Variants in RGS6 observed in about 807,000 individuals in gnomAD.
RGS6 encodes the protein regulator of G-protein signaling 6.
In RGS6, 30 loss-of-function variants were observed where a neutral mutation model predicts 78.5. The ratio of observed to expected loss-of-function variants is 0.38; its 90% CI spans 0.29 to 0.52. The LOEUF (loss-of-function observed/expected upper bound fraction) is 0.52, where lower values mean the gene tolerates loss of function less well. Among genes scored for constraint, RGS6 ranks in the 20% least tolerant of loss-of-function variants. RGS6 has a pLI of 0.85. For synonymous variants in RGS6, 206 were observed against 206.0 expected, an observed-to-expected ratio of 1.00 and a Z score of 0.00; for missense variants, 495 against 609.7, an observed-to-expected ratio of 0.81 and a Z score of 1.98.
At chr14:72,371,607 C>T (rs1443804053) in intron 3 of RGS6, among the ~76,000 whole-genome samples, 1 of 152,022 alleles carries the variant, frequency 6.6e-6, no homozygotes, top group Non-Finnish European at 1.5e-5. Context: ...ACTAAAGATA[C>T]AAAATTAGCC....
chr14:72,484,578 A>G (rs1255566581), intron 12 of RGS6, among the ~76,000 whole-genome samples: 1 of 152,174 alleles, frequency 6.6e-6, no homozygotes, highest in Admixed American at 6.5e-5. Context: ...TAGCAAAATT[A>G]TAAGTCTTTT....
intron 9 of RGS6, 77 bp downstream of exon 9, chr14:72,473,030 CT>C: frequency 1.0e-6 from 1 of 976,616 alleles, no homozygotes; most frequent in Non-Finnish European, 1.5e-6. Context: ...AAAAGACCGT[CT>C]TTAGCCACCA....
chr14:72,198,805 G>T (rs1218299315), intron 2 of RGS6, among the ~76,000 whole-genome samples: 1 of 152,232 alleles, frequency 6.6e-6, no homozygotes, highest in Non-Finnish European at 1.5e-5. Context: ...GACCAGTGTG[G>T]TAGATAAGAA....
At chr14:72,086,856 A>G (rs2095060459) in intron 2 of RGS6, among the ~76,000 whole-genome samples, 1 of 152,204 alleles carries the variant, frequency 6.6e-6, no homozygotes, top group African/African-American at 2.4e-5. Context: ...TCAGACTGGA[A>G]GTTAAAAGCG....
intron 2 of RGS6, among the ~76,000 whole-genome samples, chr14:72,067,002 TA>T (rs1457678394): frequency 1.3e-5 from 2 of 152,216 alleles, no homozygotes; most frequent in African/African-American, 4.8e-5. Context: ...CATTCTTTTT[TA>T]TGGCTGCATA....
At chr14:72,470,231 A>G in intron 8 of RGS6, 148 bp downstream of exon 8, 1 of 622,822 alleles carries the variant, frequency 1.6e-6, no homozygotes, top group Non-Finnish European at 2.8e-6. Flanking sequence ...AATTAAAGTC[A>G]GGATGGATAA....
chr14:72,144,757 T>A (rs868160509), intron 2 of RGS6, among the ~76,000 whole-genome samples: 2 of 152,174 alleles, frequency 1.3e-5, no homozygotes, highest in African/African-American at 4.8e-5. Flanking sequence ...TTTTTTTTTT[T>A]TTTTTGAAGC....
chr14:72,254,107 C>A (rs2056515508), intron 2 of RGS6, among the ~76,000 whole-genome samples: 2 of 152,170 alleles, frequency 1.3e-5, no homozygotes, highest in Admixed American at 1.3e-4. Flanking sequence ...AATATTTTAC[C>A]AATAGATCAG....
chr14:72,255,101 A>G (rs1197249028), intron 2 of RGS6, among the ~76,000 whole-genome samples: 1 of 152,048 alleles, frequency 6.6e-6, no homozygotes, highest in African/African-American at 2.4e-5. Context: ...GCAGAGGGAG[A>G]TGGGGGATGG....
intron 2 of RGS6, among the ~76,000 whole-genome samples, chr14:72,202,243 C>T (rs2041728848): frequency 6.6e-6 from 1 of 152,124 alleles, no homozygotes. Flanking sequence ...AAATATTCTC[C>T]AAATCGCTGA....
chr14:72,422,039 G>C (rs1395906531), intron 3 of RGS6, among the ~76,000 whole-genome samples: 4 of 152,174 alleles, frequency 2.6e-5, no homozygotes, highest in African/African-American at 9.7e-5. Flanking sequence ...CTGTTCTTGT[G>C]ATACAGAACA....
intron 2 of RGS6, among the ~76,000 whole-genome samples, chr14:72,222,317 A>G (rs2047064344): frequency 6.6e-6 from 1 of 152,184 alleles, no homozygotes; most frequent in Non-Finnish European, 1.5e-5. Context: ...CTGCCCACTC[A>G]CTGCCTGGGG....
chr14:72,458,258 A>C lies in RGS6; in HGVS notation c.236-13A>C, dbSNP rs766317472. ...TTTCTAATTCCTTCTCTCTCTATGC[A>C]CTGTTCTTACAGTTGAAGCAATACA... is the stretch of plus-strand genomic sequence containing the variant. On this transcript the variant is annotated splice_polypyrimidine_tract_variant and intron_variant, in intron 4 of 17. Coordinates refer to ENST00000553525, the MANE Select transcript of RGS6 (RefSeq NM_001204424.2). 6.3e-7 allele frequency: 1 copy of C among 1,599,448 alleles called. No homozygotes were observed. The highest frequency in any genetic ancestry group is 8.6e-7 in the Non-Finnish European group (1 of 1,167,648).
upstream of RGS6, among the ~76,000 whole-genome samples, chr14:71,928,803 A>G (rs915991219): frequency 2.8e-4 from 42 of 152,214 alleles, no homozygotes; most frequent in Admixed American, 6.5e-5. Flanking sequence ...ATGAATGAAC[A>G]AAGTATTGGG....
intron 2 of RGS6, among the ~76,000 whole-genome samples, chr14:72,043,060 T>C (rs1382708608): frequency 6.6e-6 from 1 of 152,134 alleles, no homozygotes; most frequent in Non-Finnish European, 1.5e-5. Flanking sequence ...GTGGCTTGTT[T>C]ATTCTTATCC....
intron 17 of RGS6, chr14:72,552,521 GATA>G: frequency 6.6e-6 from 1 of 152,246 alleles, no homozygotes; most frequent in South Asian, 2.1e-4. Flanking sequence ...GTCTACCCAA[GATA>G]AGAAGATGAA....
At chr14:72,094,408 A>T (rs2095354410) in intron 2 of RGS6, among the ~76,000 whole-genome samples, 1 of 152,228 alleles carries the variant, frequency 6.6e-6, no homozygotes, top group South Asian at 2.1e-4. Context: ...ATCATTGATA[A>T]GTGGTTGGTG....
downstream of RGS6, among the ~76,000 whole-genome samples, chr14:72,567,524 G>C (rs2097714963): frequency 6.6e-6 from 1 of 152,208 alleles, no homozygotes; most frequent in African/African-American, 2.4e-5. Flanking sequence ...GAGGCTACCA[G>C]TTATAACACA....
intron 15 of RGS6, among the ~76,000 whole-genome samples, chr14:72,533,000 G>A (rs867317213): frequency 6.6e-6 from 1 of 152,238 alleles, no homozygotes; most frequent in Non-Finnish European, 1.5e-5. Context: ...CAACAGATTT[G>A]CAGTGTAGAT....
Sources: allele counts gnomAD v4.1 joint callset (sites outside exome capture counted in the v4.1 genomes callset), GRCh38; gene constraint gnomAD v4.1.1; transcripts MANE v1.5; gene names NCBI Gene and HGNC (gene_info 2026-07-23, HGNC 2026-07-21).